DNAH8: variants seen among roughly 807,000 people sequenced by gnomAD.
DNAH8 encodes dynein axonemal heavy chain 8, also known as axonemal beta dynein heavy chain 8.
A neutral mutation model predicts 562.1 loss-of-function variants in DNAH8; 382 were observed. The observed-to-expected ratio is 0.68, with a 90% CI of 0.63 to 0.74. DNAH8 has a LOEUF of 0.74. DNAH8 is among the 30% of genes least tolerant of loss of function. The probability of loss-of-function intolerance (pLI) is 0.00; values close to 1 mark genes in which losing one functional copy is unlikely to be tolerated. For missense variants in DNAH8, 5,203 were observed against 5,620.4 expected (o/e 0.93, Z 2.37); for synonymous variants, 1,881 against 1,919.4 (o/e 0.98, Z 0.52).
intron 86 of DNAH8, 99 bp downstream of exon 86, chr6:38,982,561 C>T: frequency 1.4e-6 from 1 of 690,266 alleles, no homozygotes; most frequent in Non-Finnish European, 2.5e-6. Flanking sequence ...ATTTGCTGAG[C>T]CCCATGGAGC....
intron 31 of DNAH8, among the ~76,000 whole-genome samples, chr6:38,833,821 T>G (rs1017999898): frequency 3.3e-5 from 5 of 152,170 alleles, no homozygotes; most frequent in Non-Finnish European, 5.9e-5. Flanking sequence ...TGGGCCTCAG[T>G]TTACTTTTTA....
At chr6:38,865,338 G>C (rs1045197534) in intron 45 of DNAH8, among the ~76,000 whole-genome samples, 2 of 152,140 alleles carry the variant, frequency 1.3e-5, no homozygotes, top group African/African-American at 4.8e-5. Context: ...TTATAAGTCA[G>C]GAAGTGGGAT....
chr6:38,826,427 T>C, intron 29 of DNAH8, 36 bp downstream of exon 29: 6 of 1,383,598 alleles, frequency 4.3e-6, no homozygotes, highest in Non-Finnish European at 6.0e-6. Flanking sequence ...CTTGGAATGC[T>C]TTTTTGTTTT....
At chr6:38,973,949 A>G (rs1282627428) in intron 84 of DNAH8, 136 bp downstream of exon 84, 6 of 598,232 alleles carry the variant, frequency 1.0e-5, no homozygotes, top group African/African-American at 1.9e-5. Flanking sequence ...CTATAATACT[A>G]TAATCATCAA....
intron 79 of DNAH8, among the ~76,000 whole-genome samples, chr6:38,939,781 C>G (rs1043111327): frequency 1.3e-5 from 2 of 152,136 alleles, no homozygotes; most frequent in African/African-American, 4.8e-5. Context: ...GTGTTTTTGG[C>G]TCTTTATGTA....
At chr6:38,719,757 A>G (rs563211408) in intron 1 of DNAH8, among the ~76,000 whole-genome samples, 1 of 152,270 alleles carries the variant, frequency 6.6e-6, no homozygotes, top group African/African-American at 2.4e-5. Context: ...ATAGACGCCT[A>G]TTCTGCCCAG....
In DNAH8 at chr6:38,842,251, A is replaced by G. The variant is rs1228389345; in HGVS notation, c.4467-117A>G. 8 of 788,210 alleles carry G rather than the reference A, an allele frequency of 1.0e-5. No individual in the cohort carries two copies. In the Admixed American group the frequency reaches 1.6e-4, roughly 16 times the overall value. 48.8% of individuals were successfully genotyped at this position (788,210 alleles called of 1,614,324 possible). On this transcript the variant is annotated intron_variant, in intron 33 of 92. Coordinates refer to ENST00000327475, the MANE Select transcript of DNAH8 (RefSeq NM_001206927.2). Reference sequence around the variant, plus strand: ...ATATAGTTGTATGCATTTGGTATCTATAAGACATTGTACACGCAATGTATG... The same window carrying G: ...ATATAGTTGTATGCATTTGGTATCTGTAAGACATTGTACACGCAATGTATG...
At chr6:38,862,154 CT>C (rs1776684040) in intron 43 of DNAH8, 125 bp from the exon 44 acceptor site, 1 of 757,680 alleles carries the variant, frequency 1.3e-6, no homozygotes, top group African/African-American at 1.8e-5. Context: ...TTGTTCACTT[CT>C]TTTATGTGGG....
rs773281585 is a variant in DNAH8, at chr6:38,725,537, C to T, written c.525+2066C>T. On this transcript the variant is annotated intron_variant, in intron 3 of 92. Transcript: ENST00000327475. ...GATTGATGCAAAGACTTCAATAGCT[C>T]TAAGCTATTATAATGACAAAGTATA... is the stretch of plus-strand genomic sequence containing the variant. 2.0e-5 allele frequency among the ~76,000 whole-genome samples: 3 copies of T among 152,048 alleles called. 1 individual carries two copies. The highest frequency in any genetic ancestry group is 3.4e-3 in the Middle Eastern group (1 of 294).
At chr6:39,013,210 T>G (rs1766344876) in intron 91 of DNAH8, among the ~76,000 whole-genome samples, 1 of 152,250 alleles carries the variant, frequency 6.6e-6, no homozygotes, top group African/African-American at 2.4e-5. Context: ...TCATAGAGTT[T>G]GTAAGGTTCA....
rs1364844089 is a variant in DNAH8 at position 38,896,115 on chromosome 6, T to C, written c.8830T>C (p.Ser2944Pro). ...AGAAAATATTGGCTCTGATGCAGCG[T>C]CGTGTATTCTTCCTGAACCATACTT... ...VEENIGSDAA[S>P]CILPEPYFVD... Residue 2944 changes from serine (S) to proline (P), a missense_variant, in exon 60 of 93, where the codon TCG (serine) becomes CCG (proline). Transcript: ENST00000327475. The C allele has an allele frequency of 6.2e-7, 1 of 1,614,008 alleles. No homozygotes were observed. The highest frequency in any genetic ancestry group is 8.5e-7 in the Non-Finnish European group (1 of 1,179,954).
chr6:38,906,097 T>C (rs1356489825), intron 62 of DNAH8, among the ~76,000 whole-genome samples, 157 bp from the exon 63 acceptor site: 2 of 151,784 alleles, frequency 1.3e-5, no homozygotes, highest in Non-Finnish European at 2.9e-5. Flanking sequence ...TTAGTAGAGA[T>C]GGGGTTTCAC....
intron 89 of DNAH8, among the ~76,000 whole-genome samples, chr6:39,009,358 T>C (rs1193198243): frequency 6.6e-6 from 1 of 152,122 alleles, no homozygotes; most frequent in East Asian, 1.9e-4. Context: ...GTTGGTCATT[T>C]GGTATTCTAT....
Position 38,923,220 on chromosome 6 carries a change from C to T in DNAH8, c.10790+35C>T, listed in dbSNP as rs1781855805. On this transcript the variant is annotated intron_variant, in intron 72 of 92. Transcript: ENST00000327475. ...TGGGTCTTCTTCATAATCACTCTTT[C>T]TTTGTGACATTAGAGAACATAAAGT... The T allele has an allele frequency of 2.5e-6, 4 of 1,609,220 alleles. No individual in the cohort carries two copies. The East Asian group carries it at 8.9e-5, about 36-fold the overall frequency.
chr6:39,022,136 G>C (rs1766955140), intron 91 of DNAH8, among the ~76,000 whole-genome samples: 1 of 152,218 alleles, frequency 6.6e-6, no homozygotes, highest in South Asian at 2.1e-4. Context: ...TTGGGAGGAG[G>C]CTGGAGGGGA....
chr6:38,771,955 T>C (rs1240388375), intron 12 of DNAH8, among the ~76,000 whole-genome samples: 1 of 152,132 alleles, frequency 6.6e-6, no homozygotes, highest in Non-Finnish European at 1.5e-5. Context: ...AACTTTTTGT[T>C]GATAACCCCA....
intron 26 of DNAH8, among the ~76,000 whole-genome samples, 168 bp from the exon 27 acceptor site, chr6:38,822,670 A>G (rs1022415704): frequency 6.6e-6 from 1 of 152,252 alleles, no homozygotes; most frequent in Non-Finnish European, 1.5e-5. Context: ...ATGAGAATAC[A>G]TGAAGATAGC....
At chr6:38,727,499 C>G (rs902347670) in intron 3 of DNAH8, among the ~76,000 whole-genome samples, 1 of 152,234 alleles carries the variant, frequency 6.6e-6, no homozygotes, top group Non-Finnish European at 1.5e-5. Context: ...CAGCCTGCAT[C>G]TCCAGTTCTC....
chr6:38,961,174 G>C (rs1208456848), intron 82 of DNAH8, among the ~76,000 whole-genome samples: 1 of 151,988 alleles, frequency 6.6e-6, no homozygotes, highest in African/African-American at 2.4e-5. Flanking sequence ...ACCAGAAACT[G>C]AGGGAGGGTA....
Sources: allele counts gnomAD v4.1 joint callset (sites outside exome capture counted in the v4.1 genomes callset), GRCh38; gene constraint gnomAD v4.1.1; transcripts MANE v1.5; gene names NCBI Gene and HGNC (gene_info 2026-07-23, HGNC 2026-07-21).